The following GARIN1B variants were observed in gnomAD, a reference collection of about 807,000 sequenced individuals.
The protein encoded by GARIN1B is Golgi-associated RAB2 interactor protein 1B.
the GARIN1B span, chr7:128,716,694 C>T: frequency 7.0e-5 from 56 of 805,204 alleles, no homozygotes; most frequent in African/African-American, 8.8e-4. Context: ...CAGTATCCTA[C>T]CCTCAACAAA....
At chr7:128,716,980 C>T in the GARIN1B span, 1 of 1,610,684 alleles carries the variant, frequency 6.2e-7, no homozygotes, top group East Asian at 2.2e-5. Flanking sequence ...CCATAGCCCC[C>T]AACATCTTCC....
chr7:128,715,340 G>A, the GARIN1B span: 16 of 1,531,938 alleles, frequency 1.0e-5, no homozygotes, highest in African/African-American at 2.2e-4. Context: ...TCATCATTGT[G>A]AGCTGACTGG....
At chr7:128,716,708 T>C in the GARIN1B span, 23 of 952,610 alleles carry the variant, frequency 2.4e-5, no homozygotes, top group Non-Finnish European at 3.3e-5. Context: ...CAACAAAGAA[T>C]ATCCAACCCA....
chr7:128,719,681 T>TTTTTG, the GARIN1B span, among the ~76,000 whole-genome samples: 10 of 150,800 alleles, frequency 6.6e-5, no homozygotes, highest in African/African-American at 2.2e-4. Context: ...TTTGTAGTTT[T>TTTTTG]TTTTGTTTTG....
the GARIN1B span, among the ~76,000 whole-genome samples, chr7:128,722,341 T>C: frequency 6.6e-6 from 1 of 152,156 alleles, no homozygotes; most frequent in Admixed American, 6.5e-5. Flanking sequence ...CCCTAGTACC[T>C]GGCTCCTAGT....
chr7:128,729,605 T>C, the GARIN1B span, among the ~76,000 whole-genome samples: 10 of 152,192 alleles, frequency 6.6e-5, no homozygotes, highest in Non-Finnish European at 1.2e-4. Flanking sequence ...ATCTGAATCA[T>C]ATTGGGTCTC....
chr7:128,717,727 G>A, the GARIN1B span, among the ~76,000 whole-genome samples: 43 of 149,710 alleles, frequency 2.9e-4, no homozygotes, highest in African/African-American at 9.3e-4. Context: ...GATTACGGGC[G>A]TGAGCCACTG....
the GARIN1B span, among the ~76,000 whole-genome samples, chr7:128,714,567 G>A: frequency 2.3e-5 from 3 of 130,416 alleles, no homozygotes; most frequent in African/African-American, 5.8e-5. Flanking sequence ...CAACAAGAGC[G>A]AGACTCCATC....
chr7:128,711,658 GACACACACACACACACACAC>G, the GARIN1B span, among the ~76,000 whole-genome samples: 2 of 144,868 alleles, frequency 1.4e-5, no homozygotes, highest in Admixed American at 7.0e-5. Flanking sequence ...TGGTTTTACA[GACACACACACACACACACAC>G]ACACACACAC....
At chr7:128,725,474 C>T in the GARIN1B span, among the ~76,000 whole-genome samples, 4 of 152,046 alleles carry the variant, frequency 2.6e-5, no homozygotes, top group Admixed American at 1.3e-4. Context: ...CGGGTTCAAG[C>T]GATTCTAATG....
chr7:128,723,324 T>C, the GARIN1B span: 1 of 1,610,538 alleles, frequency 6.2e-7, no homozygotes, highest in South Asian at 1.1e-5. Context: ...TTGAGGTACA[T>C]GACTTAAATC....
the GARIN1B span, among the ~76,000 whole-genome samples, chr7:128,711,960 G>T: frequency 1.3e-5 from 2 of 152,192 alleles, no homozygotes; most frequent in African/African-American, 4.8e-5. Flanking sequence ...AGAATCACTT[G>T]AACCTGGGAG....
the GARIN1B span, among the ~76,000 whole-genome samples, chr7:128,727,082 T>G: frequency 6.6e-6 from 1 of 152,202 alleles, no homozygotes; most frequent in Admixed American, 6.5e-5. Context: ...CAATGTATCT[T>G]GTATTCTTTA....
the GARIN1B span, chr7:128,730,214 C>T: frequency 9.4e-6 from 9 of 962,548 alleles, no homozygotes; most frequent in South Asian, 1.5e-4. Context: ...GACCTCAGCC[C>T]TCTTTTCCCA....
At chr7:128,719,172 T>A in the GARIN1B span, 3 of 1,393,490 alleles carry the variant, frequency 2.2e-6, no homozygotes, top group African/African-American at 1.4e-5. Flanking sequence ...CCTATGAAGG[T>A]GATCTCAGTG....
chr7:128,715,457 C>T, the GARIN1B span: 1 of 1,614,020 alleles, frequency 6.2e-7, no homozygotes, highest in South Asian at 1.1e-5. Flanking sequence ...GTCATCATTT[C>T]CACATAGAAA....
the GARIN1B span, among the ~76,000 whole-genome samples, chr7:128,709,750 C>CTTTTTTTTTTTTTTTT: frequency 3.5e-5 from 4 of 114,618 alleles, 2 homozygotes; most frequent in Non-Finnish European, 7.1e-5. Flanking sequence ...CTCTCTCTCT[C>CTTTTTTTTTTTTTTTT]TTTTTTTTTT....
the GARIN1B span, among the ~76,000 whole-genome samples, chr7:128,719,491 C>T: frequency 6.6e-6 from 1 of 151,880 alleles, no homozygotes; most frequent in Non-Finnish European, 1.5e-5. Context: ...TGTTCCTACT[C>T]CCAGCTCTAG....
chr7:128,720,045 G>A, the GARIN1B span, among the ~76,000 whole-genome samples: 56,821 of 151,712 alleles, frequency 0.37, 10,817 homozygotes, highest in African/African-American at 0.42. Context: ...GCATTGTAAG[G>A]ATTATTTGTA....
Sources: gnomAD v4.1 joint callset for allele counts (sites outside exome capture counted in the v4.1 genomes callset) on GRCh38, gnomAD v4.1.1 for gene constraint, MANE v1.5 for transcripts, NCBI Gene and HGNC (gene_info 2026-07-23, HGNC 2026-07-21) for gene names.